NLRP14: variants seen among roughly 807,000 people sequenced by gnomAD.
NLRP14 encodes the protein NLR family pyrin domain containing 14.
In NLRP14, 105 loss-of-function variants were observed where a neutral mutation model predicts 94.7. The observed-to-expected ratio is 1.11, with a 90% CI of 0.95 to 1.30. NLRP14 has a LOEUF of 1.30. Ranked by LOEUF, NLRP14 falls within the 50% of genes most tolerant of loss-of-function variation. The probability of loss-of-function intolerance (pLI) is 0.00; values close to 1 mark genes in which losing one functional copy is unlikely to be tolerated. For synonymous variants in NLRP14, 508 were observed against 459.9 expected (o/e 1.10, Z -1.34); for missense variants, 1,362 against 1,254.1 (o/e 1.09, Z -1.30).
At position 7,038,569 on chromosome 11, in the gene NLRP14, C is replaced by G. The variant is rs748045537; in HGVS notation, c.-18C>G. On this transcript the variant is annotated 5_prime_UTR_variant, in exon 2 of 12. Coordinates refer to ENST00000299481, the MANE Select transcript of NLRP14 (RefSeq NM_176822.4). ...GTTATTTTTTTTCCCCCCACAGAGGCCTGAATATTTGGACAAGATGGCAGA... is the reference window on the plus strand; with the variant it reads ...GTTATTTTTTTTCCCCCCACAGAGGGCTGAATATTTGGACAAGATGGCAGA... 20 of 1,612,212 alleles carry G rather than the reference C, an allele frequency of 1.2e-5. No homozygotes were observed. The East Asian group carries it at 4.2e-4, about 34-fold the overall frequency.
At chr11:7,055,404 C>G (rs1035227666) in intron 6 of NLRP14, among the ~76,000 whole-genome samples, 2 of 152,064 alleles carry the variant, frequency 1.3e-5, no homozygotes, top group African/African-American at 4.8e-5. Context: ...GAAAAATAAT[C>G]TCATACTCAA....
chr11:7,058,335 A>C lies in NLRP14; in HGVS notation c.2518A>C (p.Ile840Leu). 6.2e-7 allele frequency: 1 copy of C among 1,612,814 alleles called. No homozygotes were observed. The highest frequency in any genetic ancestry group is 1.1e-5 in the South Asian group (1 of 91,060). ...AGCEYLSLAL[I>L]SNKRLTHLCL... The stretch of plus-strand genomic sequence containing the variant: ...CTGTGAGTATCTTTCTTTGGCTCTC[A>C]TCAGCAATAAAAGACTGACACATTT... Residue 840 changes from isoleucine to leucine, a missense_variant, in exon 8 of 12, where the codon ATC becomes CTC. By Grantham distance (5) the Ile-to-Leu change is conservative. Coordinates refer to ENST00000299481, the MANE Select transcript of NLRP14 (RefSeq NM_176822.4).
intron 1 of NLRP14, among the ~76,000 whole-genome samples, chr11:7,029,529 C>T (rs777127809): frequency 9.2e-5 from 14 of 152,168 alleles, no homozygotes; most frequent in East Asian, 1.9e-4. Flanking sequence ...AGGATCTTTG[C>T]GCTCAGCAAA....
intron 1 of NLRP14, among the ~76,000 whole-genome samples, 173 bp from the exon 2 acceptor site, chr11:7,038,393 T>G (rs2119597407): frequency 6.6e-6 from 1 of 152,324 alleles, no homozygotes; most frequent in East Asian, 1.9e-4. Flanking sequence ...AGAGGAATGC[T>G]TTGTGAAAGA....
At chr11:7,021,583 T>C (rs1022825617) in intron 1 of NLRP14, among the ~76,000 whole-genome samples, 2 of 152,172 alleles carry the variant, frequency 1.3e-5, no homozygotes, top group South Asian at 4.1e-4. Context: ...AAGCAAGTTG[T>C]TTAACCGCTC....
rs201942348 is a variant in NLRP14 at position 7,043,934 on chromosome 11, T to C, written c.1908T>C (p.Thr636=). 1.9e-6 allele frequency: 3 copies of C among 1,614,194 alleles called. No homozygotes were observed. The highest frequency in any genetic ancestry group is 1.6e-4 in the Middle Eastern group (1 of 6,062). Residue 636 remains threonine, a synonymous_variant, in exon 4 of 12, where the codon ACT becomes ACC. Transcript: ENST00000299481. ...TGCGGACCATCAGGCTGTCTGTAAC[T>C]GTGGTATTTGAGAAGAAGATATTAA... ...RCLRTIRLSV[T]VVFEKKILKT...
At chr11:7,079,334 T>A in the NLRP14 span, among the ~76,000 whole-genome samples, 2 of 152,214 alleles carry the variant, frequency 1.3e-5, no homozygotes, top group African/African-American at 2.4e-5. Context: ...TGTTTCTCAT[T>A]CCTTTGGTGT....
intron 10 of NLRP14, among the ~76,000 whole-genome samples, chr11:7,064,097 T>G (rs1442583852): frequency 1.3e-5 from 2 of 152,148 alleles, no homozygotes; most frequent in African/African-American, 4.8e-5. Context: ...TTAAGCCAGG[T>G]AAGCAGTCTC....
At chr11:7,078,417 G>A in the NLRP14 span, among the ~76,000 whole-genome samples, 5 of 102,048 alleles carry the variant, frequency 4.9e-5, no homozygotes, top group South Asian at 7.7e-4. Context: ...CAGCCTGGAC[G>A]AAAGAGCGAG....
At chr11:7,063,227 CG>C (rs1330031553) in intron 10 of NLRP14, among the ~76,000 whole-genome samples, 2 of 152,128 alleles carry the variant, frequency 1.3e-5, no homozygotes, top group East Asian at 3.9e-4. Context: ...ATAAATTCAC[CG>C]GTTACTGTTT....
Position 7,042,568 on chromosome 11 carries a change from T to G in NLRP14, c.542T>G (p.Leu181Arg). Residue 181 changes from leucine (L) to arginine (R), a missense_variant, in exon 4 of 12, where the codon CTT becomes CGT. Coordinates refer to ENST00000299481, the MANE Select transcript of NLRP14 (RefSeq NM_176822.4). ...KTGAQPQIVVLQGAAGVGKTT... is the reference protein window; with the variant it reads ...KTGAQPQIVVRQGAAGVGKTT... ...GGTGCACAGCCACAGATCGTGGTGC[T>G]TCAGGGAGCTGCTGGAGTTGGGAAA... The G allele has an allele frequency of 1.2e-6, 2 of 1,614,258 alleles. No individual in the cohort carries two copies. Among genetic ancestry groups the G allele is most frequent in the Non-Finnish European group, 1.7e-6 (2 of 1,180,042 alleles).
chr11:7,085,318 G>A, the NLRP14 span, among the ~76,000 whole-genome samples: 2 of 152,280 alleles, frequency 1.3e-5, no homozygotes, highest in Admixed American at 6.5e-5. Context: ...TCATACTGTT[G>A]TGTAACCAAT....
In NLRP14 at chr11:7,046,683, T is replaced by C; in HGVS notation, c.1974T>C (p.Ile658=). The change falls in exon 5 of 12, where the codon ATT becomes ATC. Residue 658 remains isoleucine (I), a synonymous_variant. Transcript: ENST00000299481. ...TTATGCAAAGGGATGGTGATCGCATTACTCACTGTTGGCAAGATCTCTGTT... is the reference window on the plus strand; with the variant it reads ...TTATGCAAAGGGATGGTGATCGCATCACTCACTGTTGGCAAGATCTCTGTT... ...LPTNTWDGDR[I]THCWQDLCSV... The C allele has an allele frequency of 6.2e-7, 1 of 1,613,826 alleles. No individual in the cohort carries two copies. The highest frequency in any genetic ancestry group is 8.5e-7 in the Non-Finnish European group (1 of 1,179,662).
chr11:7,049,250 C>T (rs1435649123), intron 5 of NLRP14, among the ~76,000 whole-genome samples: 7 of 152,172 alleles, frequency 4.6e-5, no homozygotes, highest in Non-Finnish European at 8.8e-5. Context: ...ACGAAGTCCC[C>T]AAGATGGCAC....
rs1467277257 is a variant in NLRP14 at position 7,062,432 on chromosome 11, T to C, written c.2904T>C (p.Asp968=). Residue 968 remains aspartate (D), a synonymous_variant, in exon 10 of 12, where the codon GAT becomes GAC. Coordinates refer to ENST00000299481, the MANE Select transcript of NLRP14 (RefSeq NM_176822.4). ...NLRSLDLGNN[D]LQDDGVKILC... Reference sequence around the variant, plus strand: ...GGAGCCTGGACCTTGGGAACAACGATTTGCAGGATGATGGAGTGAAAATTC... The same window carrying C: ...GGAGCCTGGACCTTGGGAACAACGACTTGCAGGATGATGGAGTGAAAATTC... The C allele has an allele frequency of 4.3e-6, 7 of 1,613,160 alleles. No homozygotes were observed. Among genetic ancestry groups the C allele is most frequent in the Non-Finnish European group, 5.9e-6 (7 of 1,179,450 alleles).
Position 7,039,718 on chromosome 11 carries a change from G to C in NLRP14, c.294G>C (p.Ser98=), listed in dbSNP as rs749718104. 2 of 1,613,132 alleles carry C rather than the reference G, an allele frequency of 1.2e-6. No individual in the cohort carries two copies. Among genetic ancestry groups the C allele is most frequent in the African/African-American group, 1.3e-5 (1 of 74,850 alleles). The change falls in exon 3 of 12, where the codon TCG becomes TCC. Residue 98 remains serine (S), a synonymous_variant. Coordinates refer to ENST00000299481, the MANE Select transcript of NLRP14 (RefSeq NM_176822.4). ...CERAKEEINW[S]AQTIGPDDAK... is the part of the protein sequence containing the mutation. ...TCCTATCGGAACCTGTTGCAGGGTC[G>C]GCCCAGACTATAGGACCAGATGATG...
At chr11:7,061,257 A>C (rs1428071402) in intron 9 of NLRP14, among the ~76,000 whole-genome samples, 1 of 152,118 alleles carries the variant, frequency 6.6e-6, no homozygotes, top group Non-Finnish European at 1.5e-5. Flanking sequence ...TGTAGATGAC[A>C]TGGGTTACTA....
intron 10 of NLRP14, among the ~76,000 whole-genome samples, chr11:7,067,308 A>G (rs1481044793): frequency 6.6e-6 from 1 of 152,194 alleles, no homozygotes; most frequent in Non-Finnish European, 1.5e-5. Flanking sequence ...GGCCATTTTC[A>G]TGATACTGAT....
the NLRP14 span, among the ~76,000 whole-genome samples, chr11:7,088,693 T>TAA: frequency 6.6e-6 from 1 of 151,630 alleles, no homozygotes; most frequent in Admixed American, 6.6e-5. Context: ...ATTTTAGTAA[T>TAA]TTAAAAAATT....
Sources: allele counts gnomAD v4.1 joint callset (sites outside exome capture counted in the v4.1 genomes callset), GRCh38; gene constraint gnomAD v4.1.1; transcripts MANE v1.5; gene names NCBI Gene and HGNC (gene_info 2026-07-23, HGNC 2026-07-21).